The following JAKMIP1 variants were observed in gnomAD, a reference collection of about 807,000 sequenced individuals.
The protein encoded by JAKMIP1 is janus kinase and microtubule interacting protein 1, also known as janus kinase and microtubule-interacting protein 1.
JAKMIP1 carries 33 observed loss-of-function variants against 113.0 expected under a neutral mutation model. That is an observed-to-expected ratio of 0.29 (90% CI 0.22 to 0.39). The LOEUF (loss-of-function observed/expected upper bound fraction) is 0.39, where lower values mean the gene tolerates loss of function less well. JAKMIP1 is among the 10% of genes least tolerant of loss of function. The probability of loss-of-function intolerance (pLI) is 1.00; values close to 1 mark genes in which losing one functional copy is unlikely to be tolerated. For synonymous variants in JAKMIP1, 480 were observed against 459.9 expected (o/e 1.04, Z -0.56); for missense variants, 813 against 1,080.5 (o/e 0.75, Z 3.47).
chr4:6,056,487 C>T (rs1382430251), intron 12 of JAKMIP1, among the ~76,000 whole-genome samples: 1 of 152,252 alleles, frequency 6.6e-6, no homozygotes, highest in Non-Finnish European at 1.5e-5. Context: ...TAAACCAGCT[C>T]TGCAGACCTG....
intron 1 of JAKMIP1, among the ~76,000 whole-genome samples, chr4:6,119,024 C>A (rs945978277): frequency 2.0e-5 from 3 of 152,098 alleles, no homozygotes; most frequent in African/African-American, 7.2e-5. Flanking sequence ...GGGAAGAGAC[C>A]GGAGCACTGC....
Position 6,046,563 on chromosome 4 carries a change from T to C in JAKMIP1, c.2028+2294A>G, listed in dbSNP as rs984865033. Among the ~76,000 whole-genome samples, 14 of 121,766 alleles carry C rather than the reference T, an allele frequency of 1.1e-4. No homozygotes were observed. In the Admixed American group the frequency reaches 1.2e-3, roughly 10 times the overall value. The allele number at this position is 121,766 out of a possible 152,430, so 79.9% of individuals were successfully genotyped here. ...AGGCTGACCAGCTTGGGGAGGTTGG[T>C]GGTCAGGGGCAGGCGGGCGGCAGTG... On this transcript the variant is annotated intron_variant, in intron 16 of 20. Transcript: ENST00000409021.
In JAKMIP1 at chr4:6,106,567, T is replaced by C. The variant is rs1241261730; in HGVS notation, c.130-600A>G. ...CTCTCTCTCTCTCTCTTCCTCTCTCTCTCCTCTGTTTTATCATGAGGCAGC... is the reference window on the plus strand; with the variant it reads ...CTCTCTCTCTCTCTCTTCCTCTCTCCCTCCTCTGTTTTATCATGAGGCAGC... On this transcript the variant is annotated intron_variant, in intron 2 of 20. Coordinates refer to ENST00000409021, the MANE Select transcript of JAKMIP1 (RefSeq NM_001099433.2). The surrounding 1 kb of genome is among the most constrained non-coding windows in gnomAD (Gnocchi z 5.9). Among the ~76,000 whole-genome samples, 3 of 151,946 alleles carry C rather than the reference T, an allele frequency of 2.0e-5. No individual in the cohort carries two copies. Among genetic ancestry groups the C allele is most frequent in the Non-Finnish European group, 4.4e-5 (3 of 67,988 alleles).
rs1722462707 is a variant in JAKMIP1 at position 6,158,025 on chromosome 4, G to C, written c.-148+42228C>G. 6.6e-6 allele frequency among the ~76,000 whole-genome samples: 1 copy of C among 152,184 alleles called. No individual in the cohort carries two copies. Among genetic ancestry groups the C allele is most frequent in the Non-Finnish European group, 1.5e-5 (1 of 68,040 alleles). ...AAGAGTTATCTGGGCCACATTTCCA[G>C]GGCTATGTGCTATGAGGTAGGGCTC... On this transcript the variant is annotated intron_variant, in intron 1 of 20. Transcript: ENST00000409021. The surrounding 1 kb of genome is among the most constrained non-coding windows in gnomAD (Gnocchi z 5.3).
At position 6,125,611 on chromosome 4, in the gene JAKMIP1, A is replaced by ACACACC. The variant is rs1467577244; in HGVS notation, c.-147-12620_-147-12615dup. 7.1e-3 allele frequency among the ~76,000 whole-genome samples: 943 copies of ACACACC among 133,268 alleles called. 29 individuals are homozygous for ACACACC. The highest frequency in any genetic ancestry group is 0.027 in the African/African-American group (911 of 33,360). The allele number at this position is 133,268 out of a possible 152,430, so 87.4% of individuals were successfully genotyped here. A position where few individuals can be genotyped will look rare whatever the true frequency, so the allele number is the denominator to read the frequency against. On this transcript the variant is annotated intron_variant, in intron 1 of 20. Coordinates refer to ENST00000409021, the MANE Select transcript of JAKMIP1 (RefSeq NM_001099433.2). ...ACACCATGCAGAAACACACACACAC[A>ACACACC]CACACCATACAGAAACACACACACA...
chr4:6,182,781 T>C lies in JAKMIP1; in HGVS notation c.-148+17472A>G, dbSNP rs139911120. ...GGCCAGCGGGGAGCCCCTGGAGCAGTGGAGTGACAGTGTGAGTTTCGGAAA... is the reference window on the plus strand; with the variant it reads ...GGCCAGCGGGGAGCCCCTGGAGCAGCGGAGTGACAGTGTGAGTTTCGGAAA... On this transcript the variant is annotated intron_variant, in intron 1 of 20. Transcript: ENST00000409021. Among the ~76,000 whole-genome samples the C allele has an allele frequency of 1.2e-3, 178 of 152,320 alleles. 2 individuals carry two copies. The highest frequency in any genetic ancestry group is 3.9e-3 in the African/African-American group (161 of 41,572).
In JAKMIP1 at chr4:6,142,735, G is replaced by A. The variant is rs1382238621; in HGVS notation, c.-147-29738C>T. On this transcript the variant is annotated intron_variant, in intron 1 of 20. Transcript: ENST00000409021. The surrounding 1 kb of genome is among the most constrained non-coding windows in gnomAD (Gnocchi z 5.5). ...AATGGATGGGGTGCTCTGGCCCCGG[G>A]GCCTGGCCGCAGGCAGAGATCAGTT... Among the ~76,000 whole-genome samples, 1 of 152,218 alleles carries A rather than the reference G, an allele frequency of 6.6e-6. No homozygotes were observed. Among genetic ancestry groups the A allele is most frequent in the Non-Finnish European group, 1.5e-5 (1 of 68,044 alleles).
At chr4:6,152,374 G>C (rs1164857616) in intron 1 of JAKMIP1, among the ~76,000 whole-genome samples, 3 of 152,110 alleles carry the variant, frequency 2.0e-5, no homozygotes, top group Admixed American at 1.3e-4. Context: ...TGTAGCCCCA[G>C]CTCCTAGAAC....
At chr4:6,055,177 C>G (rs1172891902) in intron 12 of JAKMIP1, among the ~76,000 whole-genome samples, 7 of 152,184 alleles carry the variant, frequency 4.6e-5, no homozygotes, top group Admixed American at 2.6e-4. Flanking sequence ...GAGGCCTAAC[C>G]TAGGGTCTGG....
In JAKMIP1 at chr4:6,076,572, C is replaced by G. The variant is rs1031146464; in HGVS notation, c.1302+2367G>C. The stretch of plus-strand genomic sequence containing the variant: ...TCTAAGTGGCATTACCTGAACGCTG[C>G]AGTAAAGGCCACCAGGAGGCAGCCT... On this transcript the variant is annotated intron_variant, in intron 8 of 20. Coordinates refer to ENST00000409021, the MANE Select transcript of JAKMIP1 (RefSeq NM_001099433.2). This position sits in a 1 kb window ranked among gnomAD's most constrained non-coding sequence, Gnocchi z 4.8. Among the ~76,000 whole-genome samples the G allele has an allele frequency of 1.3e-5, 2 of 152,188 alleles. No individual in the cohort carries two copies. The highest frequency in any genetic ancestry group is 3.8e-4 in the East Asian group (2 of 5,202).
At chr4:6,087,184 A>C (rs369703683) in intron 3 of JAKMIP1, among the ~76,000 whole-genome samples, 1 of 152,230 alleles carries the variant, frequency 6.6e-6, no homozygotes, top group Non-Finnish European at 1.5e-5. Context: ...GATTTCAGAC[A>C]CAGACTGCCA....
Position 6,050,008 on chromosome 4 carries a change from C to T in JAKMIP1, c.1909-136G>A, listed in dbSNP as rs9999178. 0.016 allele frequency: 10,333 copies of T among 652,192 alleles called. 439 individuals carry two copies. The highest frequency in any genetic ancestry group is 0.12 in the African/African-American group (6,340 of 55,074). The allele number at this position is 652,192 out of a possible 1,614,324, so 40.4% of individuals were successfully genotyped here. On this transcript the variant is annotated intron_variant, in intron 14 of 20. Coordinates refer to ENST00000409021, the MANE Select transcript of JAKMIP1 (RefSeq NM_001099433.2). The surrounding 1 kb of genome is among the most constrained non-coding windows in gnomAD (Gnocchi z 7.4). ...TTTCTGGCCAAGTTTTGCGCCCAGC[C>T]GTTCCTCTGGGGAGTGAGGGAGAGA...
chr4:6,169,879 T>G (rs556328592), intron 1 of JAKMIP1, among the ~76,000 whole-genome samples: 1 of 151,628 alleles, frequency 6.6e-6, no homozygotes, highest in East Asian at 1.9e-4. Flanking sequence ...ATAGGTAAAG[T>G]GCTCACAAGA....
At chr4:6,063,839 G>C (rs1316315936) in intron 9 of JAKMIP1, among the ~76,000 whole-genome samples, 2 of 152,244 alleles carry the variant, frequency 1.3e-5, no homozygotes, top group Non-Finnish European at 2.9e-5. Context: ...CAGAGACTCG[G>C]GATGTGGGGG....
chr4:6,051,317 G>A lies in JAKMIP1; in HGVS notation c.1807-638C>T, dbSNP rs1199189976. Among the ~76,000 whole-genome samples the A allele has an allele frequency of 1.3e-5, 2 of 152,046 alleles. No individual in the cohort carries two copies. The highest frequency in any genetic ancestry group is 2.9e-5 in the Non-Finnish European group (2 of 68,018). ...GGCTCACTGCAACCTCCACCTCCCGGGTTCAAGTGATTCTCCTGCCTCAGC... is the reference window on the plus strand; with the variant it reads ...GGCTCACTGCAACCTCCACCTCCCGAGTTCAAGTGATTCTCCTGCCTCAGC... On this transcript the variant is annotated intron_variant, in intron 13 of 20. Coordinates refer to ENST00000409021, the MANE Select transcript of JAKMIP1 (RefSeq NM_001099433.2). The surrounding 1 kb of genome is among the most constrained non-coding windows in gnomAD (Gnocchi z 5.0).
chr4:6,126,642 T>C (rs1436607071), intron 1 of JAKMIP1, among the ~76,000 whole-genome samples: 1 of 136,790 alleles, frequency 7.3e-6, no homozygotes, highest in Non-Finnish European at 1.5e-5. Context: ...ACACACACCA[T>C]GCAGAAACAC....
chr4:6,131,442 T>C (rs1042985094), intron 1 of JAKMIP1, among the ~76,000 whole-genome samples: 3 of 150,422 alleles, frequency 2.0e-5, no homozygotes, highest in African/African-American at 7.3e-5. Flanking sequence ...AAAGAAAAGA[T>C]ACTGGGGCCT....
At chr4:6,037,789 G>T (rs970680331) in intron 18 of JAKMIP1, among the ~76,000 whole-genome samples, 20 of 142,624 alleles carry the variant, frequency 1.4e-4, no homozygotes, top group African/African-American at 2.3e-4. Flanking sequence ...TAACCCAGTA[G>T]CCCTCCATCA....
chr4:6,079,344 A>ATGGG (rs1339404732), intron 7 of JAKMIP1, among the ~76,000 whole-genome samples: 20 of 152,188 alleles, frequency 1.3e-4, no homozygotes, highest in Non-Finnish European at 2.2e-4. Flanking sequence ...GGGTGGACAG[A>ATGGG]TGGGTGGGTG....
Sources: gnomAD v4.1 joint callset for allele counts (sites outside exome capture counted in the v4.1 genomes callset) on GRCh38, gnomAD v4.1.1 for gene constraint, Gnocchi (gnomAD v3.1) non-coding constraint, MANE v1.5 for transcripts, NCBI Gene and HGNC (gene_info 2026-07-23, HGNC 2026-07-21) for gene names.